IL1F10: variants seen among roughly 807,000 people sequenced by gnomAD.
IL1F10 encodes the protein interleukin 1 family member 10.
In IL1F10, 13 loss-of-function variants were observed where a neutral mutation model predicts 13.1. The ratio of observed to expected loss-of-function variants is 0.99; its 90% CI spans 0.64 to 1.57. IL1F10 has a LOEUF of 1.57. Among genes scored for constraint, IL1F10 ranks in the 40% most tolerant of loss-of-function variants. The pLI, the probability that IL1F10 is intolerant of heterozygous loss-of-function variation, is 0.00. For missense variants in IL1F10, 191 were observed against 184.1 expected (o/e 1.04, Z -0.22); for synonymous variants, 78 against 68.2 (o/e 1.14, Z -0.71).
chr2:113,072,271 C>G (rs1461991966), intron 1 of IL1F10: 1 of 155,266 alleles, frequency 6.4e-6, no homozygotes, highest in East Asian at 1.9e-4. Flanking sequence ...TTATCTAACC[C>G]TTGGCTAGTT....
intron 1 of IL1F10, among the ~76,000 whole-genome samples, chr2:113,071,085 A>T (rs1685826859): frequency 1.3e-5 from 2 of 152,264 alleles, no homozygotes; most frequent in African/African-American, 4.8e-5. Flanking sequence ...TGATATGTTT[A>T]AAAAATTACT....
At chr2:113,073,785 C>T (rs1685887952) in intron 2 of IL1F10, among the ~76,000 whole-genome samples, 1 of 152,158 alleles carries the variant, frequency 6.6e-6, no homozygotes, top group Non-Finnish European at 1.5e-5. Flanking sequence ...AGCTCTCCAG[C>T]CCTGACAGCA....
At chr2:113,070,306 C>A (rs1685811028) in intron 1 of IL1F10, among the ~76,000 whole-genome samples, 1 of 152,154 alleles carries the variant, frequency 6.6e-6, no homozygotes, top group Admixed American at 6.5e-5. Flanking sequence ...CACAATCTAT[C>A]AGAACCCAGG....
intron 2 of IL1F10, among the ~76,000 whole-genome samples, chr2:113,073,129 C>A (rs1337837586): frequency 6.6e-6 from 1 of 152,200 alleles, no homozygotes; most frequent in East Asian, 1.9e-4. Flanking sequence ...CCATCCGCCT[C>A]TCTGAAATGT....
At chr2:113,073,580 G>T (rs1573248081) in intron 2 of IL1F10, among the ~76,000 whole-genome samples, 1 of 152,228 alleles carries the variant, frequency 6.6e-6, no homozygotes, top group East Asian at 1.9e-4. Flanking sequence ...CATCTGGGTT[G>T]TCAAGGTGGC....
intron 1 of IL1F10, among the ~76,000 whole-genome samples, chr2:113,069,372 G>T (rs930750075): frequency 1.3e-5 from 2 of 152,202 alleles, no homozygotes; most frequent in Non-Finnish European, 1.5e-5. Flanking sequence ...CAGAAAAACC[G>T]GGAATACAAG....
rs192730679 is a variant in IL1F10, at chr2:113,075,457, T to C, written c.*93T>C. 20 of 892,646 alleles carry C rather than the reference T, an allele frequency of 2.2e-5. No individual in the cohort carries two copies. The highest frequency in any genetic ancestry group is 1.8e-4 in the Admixed American group (7 of 38,020). The allele number at this position is 892,646 out of a possible 1,614,324, so 55.3% of individuals were successfully genotyped here. ...AGGCAGAATAATGTCCCCCGAAATATGTCCACATCCTAATCCCAAGATCTG... is the reference window on the plus strand; with the variant it reads ...AGGCAGAATAATGTCCCCCGAAATACGTCCACATCCTAATCCCAAGATCTG... On this transcript the variant is annotated 3_prime_UTR_variant, in exon 5 of 5. Transcript: ENST00000341010.
chr2:113,074,654 C>T (rs758071154), intron 3 of IL1F10, 69 bp from the exon 4 acceptor site: 16 of 1,590,668 alleles, frequency 1.0e-5, no homozygotes, highest in Non-Finnish European at 1.4e-5. Context: ...CTGCCTGAGC[C>T]TTTACCTGCC....
At chr2:113,072,642 G>C in intron 1 of IL1F10, 69 bp from the exon 2 acceptor site, 1 of 1,080,578 alleles carries the variant, frequency 9.3e-7, no homozygotes, top group Non-Finnish European at 1.4e-6. Flanking sequence ...GTGGTTCTAA[G>C]CCCCAGCACG....
intron 1 of IL1F10, among the ~76,000 whole-genome samples, chr2:113,068,346 T>C (rs1685779448): frequency 6.6e-6 from 1 of 151,930 alleles, no homozygotes; most frequent in Non-Finnish European, 1.5e-5. Flanking sequence ...TTTTCGTTTT[T>C]TTTTTTTTTG....
In IL1F10 at chr2:113,072,788, G is replaced by A. The variant is rs373769142; in HGVS notation, c.32+18G>A. On this transcript the variant is annotated intron_variant, in intron 2 of 4. Coordinates refer to ENST00000341010, the MANE Select transcript of IL1F10 (RefSeq NM_173161.3). Reference sequence around the variant, plus strand: ...TACTACATGTAAGTTGTCCTGGCATGTCCCTGCTTTCCAAGCCAGGGGGTC... The same window carrying A: ...TACTACATGTAAGTTGTCCTGGCATATCCCTGCTTTCCAAGCCAGGGGGTC... The A allele has an allele frequency of 3.1e-6, 5 of 1,610,588 alleles. No individual in the cohort carries two copies. In the Admixed American group the frequency reaches 6.7e-5, roughly 22 times the overall value.
At chr2:113,071,194 T>C (rs1172283227) in intron 1 of IL1F10, among the ~76,000 whole-genome samples, 1 of 152,260 alleles carries the variant, frequency 6.6e-6, no homozygotes, top group Non-Finnish European at 1.5e-5. Context: ...ACACTTGATT[T>C]ATAATCTGCA....
In IL1F10 at chr2:113,074,380, G is replaced by T. The variant is rs199770962; in HGVS notation, c.84G>T (p.Leu28=). Residue 28 remains leucine (L), a synonymous_variant, in exon 3 of 5, where the codon CTG becomes CTT. Transcript: ENST00000341010. ...KALYTRDGQL[L]VGDPVADNCC... ...TATACACAAGAGATGGCCAGCTGCTGGTGGGAGATCCTGTTGCAGACAACT... is the reference window on the plus strand; with the variant it reads ...TATACACAAGAGATGGCCAGCTGCTTGTGGGAGATCCTGTTGCAGACAACT... The T allele has an allele frequency of 8.1e-6, 13 of 1,613,998 alleles. No homozygotes were observed. The East Asian group carries it at 2.5e-4, about 30-fold the overall frequency.
Position 113,075,144 on chromosome 2 carries a change from C to A in IL1F10, c.247-8C>A. ...CTCATTCTGCAGCCATCCACCTTGC[C>A]CCCACAGGATGTGAACATTGAGGAA... On this transcript the variant is annotated splice_region_variant and splice_polypyrimidine_tract_variant and intron_variant, in intron 4 of 4. Transcript: ENST00000341010. 6.3e-7 allele frequency: 1 copy of A among 1,593,422 alleles called. No homozygotes were observed. Among genetic ancestry groups the A allele is most frequent in the South Asian group, 1.1e-5 (1 of 89,516 alleles).
chr2:113,073,645 T>C (rs1685879789), intron 2 of IL1F10, among the ~76,000 whole-genome samples: 1 of 152,238 alleles, frequency 6.6e-6, no homozygotes. Flanking sequence ...ATTTTTATTG[T>C]ACAAGTGAAC....
chr2:113,074,662 G>C (rs1404465926), intron 3 of IL1F10, 61 bp from the exon 4 acceptor site: 1 of 1,603,566 alleles, frequency 6.2e-7, no homozygotes, highest in African/African-American at 1.3e-5. Flanking sequence ...GCCTTTACCT[G>C]CCAAGAGCCT....
intron 1 of IL1F10, among the ~76,000 whole-genome samples, chr2:113,069,149 A>G (rs1160066606): frequency 6.6e-6 from 1 of 152,244 alleles, no homozygotes; most frequent in African/African-American, 2.4e-5. Context: ...ACCTGTGAGT[A>G]CGTCCACTGA....
intron 1 of IL1F10, among the ~76,000 whole-genome samples, chr2:113,071,705 C>T (rs28928289): frequency 0.012 from 1,871 of 152,334 alleles, 25 homozygotes; most frequent in Middle Eastern, 0.024. Context: ...CCTGTTCCTT[C>T]TCACCTGCCT....
intron 1 of IL1F10, among the ~76,000 whole-genome samples, chr2:113,070,943 C>G (rs2105076683): frequency 6.6e-6 from 1 of 152,310 alleles, no homozygotes; most frequent in African/African-American, 2.4e-5. Flanking sequence ...AGTAATTATA[C>G]AGAGTCCCCC....
Sources: gnomAD v4.1 joint callset for allele counts (sites outside exome capture counted in the v4.1 genomes callset) on GRCh38, gnomAD v4.1.1 for gene constraint, MANE v1.5 for transcripts, NCBI Gene and HGNC (gene_info 2026-07-23, HGNC 2026-07-21) for gene names.